Variants in ACOT7 observed in about 807,000 individuals in gnomAD.
The protein encoded by ACOT7 is acyl-CoA thioesterase 7, also known as cytosolic acyl coenzyme A thioester hydrolase.
ACOT7 carries 12 observed loss-of-function variants against 40.2 expected under a neutral mutation model. That is an observed-to-expected ratio of 0.30 (90% CI 0.19 to 0.48). The LOEUF (loss-of-function observed/expected upper bound fraction) is 0.48, where lower values mean the gene tolerates loss of function less well. ACOT7 is among the 20% of genes least tolerant of loss of function. The pLI, the probability that ACOT7 is intolerant of heterozygous loss-of-function variation, is 0.99. For missense variants in ACOT7, 395 were observed against 530.8 expected, an observed-to-expected ratio of 0.74 and a Z score of 2.51; for synonymous variants, 228 against 219.5, an observed-to-expected ratio of 1.04 and a Z score of -0.34.
At chr1:6,365,023 CA>C (rs200329900) in intron 1 of ACOT7, among the ~76,000 whole-genome samples, 19,573 of 140,600 alleles carry the variant, frequency 0.14, 1,815 homozygotes, top group African/African-American at 0.27. Context: ...GACTCCGTCT[CA>C]AAAAAAAAAA....
chr1:6,342,937 T>C (rs1641314388), intron 2 of ACOT7, among the ~76,000 whole-genome samples: 1 of 151,748 alleles, frequency 6.6e-6, no homozygotes, highest in Non-Finnish European at 1.5e-5. Context: ...ACACAAAAGA[T>C]GACCTTGTGT....
intron 6 of ACOT7, among the ~76,000 whole-genome samples, chr1:6,316,559 C>T (rs542507466): frequency 6.6e-6 from 1 of 152,340 alleles, no homozygotes; most frequent in South Asian, 2.1e-4. Flanking sequence ...CCTGTGATCC[C>T]AGCACTTTGG....
Position 6,359,083 on chromosome 1 carries a change from CAGA to C in ACOT7, c.144-9220_144-9218del, listed in dbSNP as rs1347423414. 4 of 514,708 alleles carry C rather than the reference CAGA, an allele frequency of 7.8e-6. No homozygotes were observed. In the East Asian group the frequency reaches 1.5e-4, roughly 20 times the overall value. 31.9% of individuals were successfully genotyped at this position (514,708 alleles called of 1,614,324 possible). A position where few individuals can be genotyped will look rare whatever the true frequency, so the allele number is the denominator to read the frequency against. On this transcript the variant is annotated intron_variant, in intron 1 of 8. Transcript: ENST00000361521. This position sits in a 1 kb window ranked among gnomAD's most constrained non-coding sequence, Gnocchi z 4.1. ...GGAAACCTTGCTTTATAAATAATTA[CAGA>C]AGAAGTAATTCTGTGAGCTCTTCTG...
At chr1:6,280,249 C>G (rs957019963) in intron 8 of ACOT7, among the ~76,000 whole-genome samples, 1 of 152,238 alleles carries the variant, frequency 6.6e-6, no homozygotes, top group Admixed American at 6.5e-5. Flanking sequence ...TCCTCTTGCT[C>G]CCCTCAGTGA....
At chr1:6,322,222 C>A (rs189404767) in intron 5 of ACOT7, among the ~76,000 whole-genome samples, 1 of 141,042 alleles carries the variant, frequency 7.1e-6, no homozygotes, top group East Asian at 2.5e-4. Context: ...GATGCAAGGA[C>A]CTCTTGACGC....
Position 6,294,600 on chromosome 1 carries a change from G to C in ACOT7, c.829+264C>G, listed in dbSNP as rs1639760880. On this transcript the variant is annotated intron_variant, in intron 7 of 8. Coordinates refer to ENST00000361521, the MANE Select transcript of ACOT7 (RefSeq NM_007274.4). This position sits in a 1 kb window ranked among gnomAD's most constrained non-coding sequence, Gnocchi z 4.6. ...GGACCTTCCCAGAGCTCTGTCTGTG[G>C]AGCGTTTTCAGAGGGTGAGTTTAGG... Among the ~76,000 whole-genome samples, 1 of 152,236 alleles carries C rather than the reference G, an allele frequency of 6.6e-6. No homozygotes were observed. The highest frequency in any genetic ancestry group is 1.5e-5 in the Non-Finnish European group (1 of 68,044).
At chr1:6,325,709 A>G (rs997112871) in intron 5 of ACOT7, among the ~76,000 whole-genome samples, 1 of 152,214 alleles carries the variant, frequency 6.6e-6, no homozygotes, top group Non-Finnish European at 1.5e-5. Flanking sequence ...TGACCCGCCC[A>G]GAAAACAAGC....
rs1642418979 is a variant in ACOT7 at position 6,385,426 on chromosome 1, G to C, written c.143+7831C>G. The C allele has an allele frequency of 2.0e-6, 3 of 1,538,340 alleles. No homozygotes were observed. In the African/African-American group the frequency reaches 4.1e-5, roughly 21 times the overall value. ...AACTCCTCCAAGTTATGCGGCCCAAGGCCCTGGCTGCCCAGTCGGCGTCGC... is the reference window on the plus strand; with the variant it reads ...AACTCCTCCAAGTTATGCGGCCCAACGCCCTGGCTGCCCAGTCGGCGTCGC... On this transcript the variant is annotated intron_variant, in intron 1 of 8. Transcript: ENST00000361521.
chr1:6,336,158 C>G (rs1641095380), intron 3 of ACOT7, among the ~76,000 whole-genome samples: 1 of 152,010 alleles, frequency 6.6e-6, no homozygotes. Flanking sequence ...TGCTGGCTAA[C>G]AGGTCTCTAC....
intron 1 of ACOT7, among the ~76,000 whole-genome samples, chr1:6,353,943 C>T (rs1270224392): frequency 6.6e-6 from 1 of 152,196 alleles, no homozygotes; most frequent in Non-Finnish European, 1.5e-5. Flanking sequence ...ATCCCCCGCT[C>T]TATCTTCTGC....
In ACOT7 at chr1:6,299,655, A is replaced by T. The variant is rs1639911458; in HGVS notation, c.713-4675T>A. Among the ~76,000 whole-genome samples the T allele has an allele frequency of 6.8e-6, 1 of 147,562 alleles. No homozygotes were observed. The highest frequency in any genetic ancestry group is 2.6e-5 in the African/African-American group (1 of 39,134). On this transcript the variant is annotated intron_variant, in intron 6 of 8. Coordinates refer to ENST00000361521, the MANE Select transcript of ACOT7 (RefSeq NM_007274.4). This position sits in a 1 kb window ranked among gnomAD's most constrained non-coding sequence, Gnocchi z 4.1. ...GTCATGGCTTCAGAGAGAGAGAGAG[A>T]GAGAGCGCAAGTGTGTGTGTGTGTG...
chr1:6,271,463 G>A (rs577274784), intron 8 of ACOT7, among the ~76,000 whole-genome samples: 1 of 152,288 alleles, frequency 6.6e-6, no homozygotes, highest in African/African-American at 2.4e-5. Flanking sequence ...CATTATTGAG[G>A]ACACTCAGCA....
intron 1 of ACOT7, among the ~76,000 whole-genome samples, chr1:6,392,098 G>A (rs1642542187): frequency 6.6e-6 from 1 of 152,150 alleles, no homozygotes; most frequent in Non-Finnish European, 1.5e-5. Flanking sequence ...GACCAGGCCA[G>A]AAGATGAGAC....
rs1467009063 is a variant in ACOT7 at position 6,349,629 on chromosome 1, C to G, written c.261+120G>C. 16 of 972,970 alleles carry G rather than the reference C, an allele frequency of 1.6e-5. No homozygotes were observed. In the South Asian group the frequency reaches 2.1e-4, roughly 13 times the overall value. 60.3% of individuals were successfully genotyped at this position (972,970 alleles called of 1,614,324 possible). A position where few individuals can be genotyped will look rare whatever the true frequency, so the allele number is the denominator to read the frequency against. On this transcript the variant is annotated intron_variant, in intron 2 of 8. Transcript: ENST00000361521. ...TACTTGGGCCACTTCTCCCACAGTTCCCAAGGCCCAGTGCACAAGGGGAGG... is the reference window on the plus strand; with the variant it reads ...TACTTGGGCCACTTCTCCCACAGTTGCCAAGGCCCAGTGCACAAGGGGAGG...
At chr1:6,383,942 G>A (rs1642396059) in intron 1 of ACOT7, among the ~76,000 whole-genome samples, 1 of 151,662 alleles carries the variant, frequency 6.6e-6, no homozygotes, top group Non-Finnish European at 1.5e-5. Flanking sequence ...CTGACCTCGT[G>A]ATCCGCCCGC....
chr1:6,277,338 C>G (rs1639224782), intron 8 of ACOT7, among the ~76,000 whole-genome samples: 1 of 152,244 alleles, frequency 6.6e-6, no homozygotes, highest in Non-Finnish European at 1.5e-5. Context: ...CAAACACCAA[C>G]CACGCCTGCA....
chr1:6,370,521 G>A lies in ACOT7; in HGVS notation c.144-20655C>T, dbSNP rs182064097. Among the ~76,000 whole-genome samples the A allele has an allele frequency of 1.1e-3, 163 of 149,388 alleles. 1 individual carries two copies. Among genetic ancestry groups the A allele is most frequent in the Non-Finnish European group, 5.8e-4 (39 of 67,492 alleles). On this transcript the variant is annotated intron_variant, in intron 1 of 8. Coordinates refer to ENST00000361521, the MANE Select transcript of ACOT7 (RefSeq NM_007274.4). ...TTATTATTATTTGAAATGGAGTCTC[G>A]TTCTGTCACCTGGCCTGGAGTGCAG...
intron 1 of ACOT7, among the ~76,000 whole-genome samples, chr1:6,386,700 C>A (rs889610033): frequency 1.3e-5 from 2 of 152,010 alleles, no homozygotes. Flanking sequence ...TACAAAAAAT[C>A]TTTTTAACAT....
intron 5 of ACOT7, among the ~76,000 whole-genome samples, chr1:6,320,784 C>T (rs55683586): frequency 0.064 from 9,779 of 152,210 alleles, 423 homozygotes; most frequent in African/African-American, 0.12. Flanking sequence ...ACGTGGAGCA[C>T]CTCACCCTCA....
Sources: allele counts gnomAD v4.1 joint callset (sites outside exome capture counted in the v4.1 genomes callset), GRCh38; gene constraint gnomAD v4.1.1; non-coding constraint Gnocchi (gnomAD v3.1); transcripts MANE v1.5; gene names NCBI Gene and HGNC (gene_info 2026-07-23, HGNC 2026-07-21).